LRIG1: variants seen among roughly 807,000 people sequenced by gnomAD.
LRIG1 encodes leucine rich repeats and immunoglobulin like domains 1.
LRIG1 carries 48 observed loss-of-function variants against 99.2 expected under a neutral mutation model. The observed-to-expected ratio is 0.48, with a 90% CI of 0.38 to 0.62. The LOEUF is 0.62. LRIG1 is among the 20% of genes least tolerant of loss of function. LRIG1 has a pLI of 0.00. For synonymous variants in LRIG1, 772 were observed against 596.1 expected (o/e 1.29, Z -4.30); for missense variants, 1,646 against 1,434.4 (o/e 1.15, Z -2.38).
Position 66,417,149 on chromosome 3 carries a change from G to T in LRIG1, c.483C>A (p.His161Gln). 6.2e-7 allele frequency: 1 copy of T among 1,614,162 alleles called. No individual in the cohort carries two copies. Among genetic ancestry groups the T allele is most frequent in the Middle Eastern group, 1.7e-4 (1 of 6,058 alleles). The change falls in exon 4 of 19, where the codon CAC becomes CAA. Residue 161 changes from histidine (H) to glutamine (Q), a missense_variant. Coordinates refer to ENST00000273261, the MANE Select transcript of LRIG1 (RefSeq NM_015541.3). Reference protein sequence around the residue: ...ITEVRNTCFPHGPPIKELNLA... With the variant: ...ITEVRNTCFPQGPPIKELNLA... The stretch of plus-strand genomic sequence containing the variant: ...CTTACAGCTCCTTTATAGGCGGTCC[G>T]TGTGGAAAGCAGGTGTTCCGCACTT...
At chr3:66,383,641 G>A (rs993016569) in intron 14 of LRIG1, among the ~76,000 whole-genome samples, 1 of 152,024 alleles carries the variant, frequency 6.6e-6, no homozygotes, top group African/African-American at 2.4e-5. Flanking sequence ...TTCCCTAACT[G>A]TCCTGTGTCA....
rs555263678 is a variant in LRIG1, at chr3:66,495,946, G to C, written c.218+4244C>G. ...GCCAGAGGCCGTCCCAATGGACTCA[G>C]GGAAGCTGCAGGGAGAACCCAGGCA... On this transcript the variant is annotated intron_variant, in intron 1 of 18. Transcript: ENST00000273261. Among the ~76,000 whole-genome samples the C allele has an allele frequency of 4.6e-5, 7 of 152,328 alleles. No individual in the cohort carries two copies. In the South Asian group the frequency reaches 1.5e-3, roughly 32 times the overall value.
At chr3:66,427,172 A>G (rs1703010035) in intron 3 of LRIG1, among the ~76,000 whole-genome samples, 1 of 152,238 alleles carries the variant, frequency 6.6e-6, no homozygotes, top group Non-Finnish European at 1.5e-5. Context: ...TCTGCCCATC[A>G]TGGTGCTGCA....
At chr3:66,428,281 C>T (rs1438704983) in intron 3 of LRIG1, among the ~76,000 whole-genome samples, 1 of 152,146 alleles carries the variant, frequency 6.6e-6, no homozygotes, top group Admixed American at 6.5e-5. Flanking sequence ...ACCATTAGCT[C>T]CAAGTGCCCT....
chr3:66,451,259 C>G (rs565077230), intron 3 of LRIG1, among the ~76,000 whole-genome samples: 48 of 151,838 alleles, frequency 3.2e-4, no homozygotes, highest in Admixed American at 7.2e-4. Context: ...AAAGTTGCAG[C>G]TTAACCAACC....
intron 1 of LRIG1, among the ~76,000 whole-genome samples, chr3:66,497,044 G>A (rs1260208834): frequency 1.3e-5 from 2 of 152,198 alleles, no homozygotes; most frequent in South Asian, 4.1e-4. Flanking sequence ...AGTACAAAGA[G>A]ATCAAAATCA....
Position 66,417,039 on chromosome 3 carries a change from C to T in LRIG1, c.503+90G>A, listed in dbSNP as rs556458462. 1,542 of 1,505,496 alleles carry T rather than the reference C, an allele frequency of 1.0e-3. 1 individual carries two copies. Among genetic ancestry groups the T allele is most frequent in the Non-Finnish European group, 1.4e-3 (1,487 of 1,097,352 alleles). The allele number at this position is 1,505,496 out of a possible 1,614,324, so 93.3% of individuals were successfully genotyped here. A position where few individuals can be genotyped will look rare whatever the true frequency, so the allele number is the denominator to read the frequency against. ...CGTGGTTGAGAAGGGAAGGAAGCAT[C>T]CCTCCTGCATCCAGAACTGGGTGCC... On this transcript the variant is annotated intron_variant, in intron 4 of 18. Transcript: ENST00000273261.
At chr3:66,486,603 T>C (rs1700980615) in intron 1 of LRIG1, among the ~76,000 whole-genome samples, 1 of 152,250 alleles carries the variant, frequency 6.6e-6, no homozygotes, top group Non-Finnish European at 1.5e-5. Context: ...ACTCAACTAA[T>C]GATTCTGAAT....
rs940482458 is a variant in LRIG1, at chr3:66,404,267, G to C, written c.1160+931C>G. On this transcript the variant is annotated intron_variant, in intron 9 of 18. Coordinates refer to ENST00000273261, the MANE Select transcript of LRIG1 (RefSeq NM_015541.3). ...TCTCCTCTATCATCGAGCTCCACTA[G>C]GGCTTTCCAAATATTTACTTGACAC... 7.0e-6 allele frequency: 9 copies of C among 1,289,290 alleles called. No homozygotes were observed. In the African/African-American group the frequency reaches 1.2e-4, roughly 17 times the overall value. The allele number at this position is 1,289,290 out of a possible 1,614,324, so 79.9% of individuals were successfully genotyped here. A position where few individuals can be genotyped will look rare whatever the true frequency, so the allele number is the denominator to read the frequency against.
At chr3:66,406,107 T>C in intron 8 of LRIG1, 1 of 985,582 alleles carries the variant, frequency 1.0e-6, no homozygotes, top group Non-Finnish European at 1.2e-6. Flanking sequence ...TTGTCTCCTG[T>C]GAGAAGCTGC....
At chr3:66,431,130 G>C (rs527567609) in intron 3 of LRIG1, among the ~76,000 whole-genome samples, 1 of 152,148 alleles carries the variant, frequency 6.6e-6, no homozygotes. Flanking sequence ...TCCCGGGTAC[G>C]GCACAGCTGA....
At chr3:66,451,309 TA>T (rs35826327) in intron 3 of LRIG1, among the ~76,000 whole-genome samples, 26,021 of 144,572 alleles carry the variant, frequency 0.18, 2,279 homozygotes, top group Admixed American at 0.26. Flanking sequence ...CTCTGCGCAT[TA>T]AAAAAAAAAA....
At chr3:66,427,321 A>G (rs1193706013) in intron 3 of LRIG1, among the ~76,000 whole-genome samples, 2 of 152,206 alleles carry the variant, frequency 1.3e-5, no homozygotes, top group Admixed American at 6.5e-5. Flanking sequence ...TCTTAACAAC[A>G]TATCACACCT....
intron 9 of LRIG1, 82 bp downstream of exon 9, chr3:66,405,116 C>T (rs1702215517): frequency 2.4e-6 from 3 of 1,242,336 alleles, no homozygotes; most frequent in Admixed American, 1.8e-5. Flanking sequence ...AGCAGAGAGG[C>T]GCGGGGGGCG....
intron 1 of LRIG1, among the ~76,000 whole-genome samples, chr3:66,472,669 G>C (rs1261975075): frequency 6.6e-6 from 1 of 152,184 alleles, no homozygotes; most frequent in Non-Finnish European, 1.5e-5. Flanking sequence ...TACAACCACG[G>C]ATTTCACTGG....
At chr3:66,418,064 C>T (rs1001153173) in intron 3 of LRIG1, among the ~76,000 whole-genome samples, 7 of 151,942 alleles carry the variant, frequency 4.6e-5, no homozygotes, top group African/African-American at 1.5e-4. Context: ...AGGAATGTTC[C>T]ACTGTAACTT....
At chr3:66,389,907 C>G (rs932563711) in intron 12 of LRIG1, among the ~76,000 whole-genome samples, 2 of 152,104 alleles carry the variant, frequency 1.3e-5, no homozygotes, top group Non-Finnish European at 2.9e-5. Context: ...CCATTTAGTC[C>G]ATCCCTAAAG....
Position 66,500,688 on chromosome 3 carries a change from T to G in LRIG1, c.-281A>C. ...GAACTCCGCCGATTCGGGCAAGGTG[T>G]ACCCAGCCTGCGCTCTTCGTCCGCC... On this transcript the variant is annotated 5_prime_UTR_variant, in exon 1 of 19. Transcript: ENST00000273261. The G allele has an allele frequency of 1.5e-4, 35 of 232,346 alleles. No homozygotes were observed. Among genetic ancestry groups the G allele is most frequent in the East Asian group, 2.5e-4 (3 of 11,870 alleles). 14.4% of individuals were successfully genotyped at this position (232,346 alleles called of 1,614,324 possible).
At chr3:66,469,316 G>C (rs1021384433) in intron 1 of LRIG1, 3 of 152,120 alleles carry the variant, frequency 2.0e-5, no homozygotes, top group African/African-American at 7.2e-5. Flanking sequence ...TCAGTAATGA[G>C]TCACCAGTTA....
Sources: gnomAD v4.1 joint callset for allele counts (sites outside exome capture counted in the v4.1 genomes callset) on GRCh38, gnomAD v4.1.1 for gene constraint, MANE v1.5 for transcripts, NCBI Gene and HGNC (gene_info 2026-07-23, HGNC 2026-07-21) for gene names.